Variants in HTT observed in about 807,000 individuals in gnomAD.
HTT encodes huntingtin.
Under a neutral mutation model 362.3 loss-of-function variants are expected in HTT, and 104 were observed. The ratio of observed to expected loss-of-function variants is 0.29; its 90% CI spans 0.24 to 0.34. HTT has a LOEUF of 0.34. Ranked by LOEUF, HTT falls within the 10% of genes least tolerant of loss-of-function variation. The pLI, the probability that HTT is intolerant of heterozygous loss-of-function variation, is 1.00. For synonymous variants in HTT, 1,577 were observed against 1,548.7 expected (o/e 1.02, Z -0.43); for missense variants, 3,301 against 3,928.6 (o/e 0.84, Z 4.27).
intron 29 of HTT, among the ~76,000 whole-genome samples, chr4:3,170,260 G>C (rs954527800): frequency 6.6e-6 from 1 of 152,072 alleles, no homozygotes; most frequent in Non-Finnish European, 1.5e-5. Flanking sequence ...TTTATAATTT[G>C]TCAGATGGGT....
chr4:3,175,772 A>G (rs1245047502), intron 33 of HTT, among the ~76,000 whole-genome samples: 1 of 152,192 alleles, frequency 6.6e-6, no homozygotes, highest in Non-Finnish European at 1.5e-5. Context: ...CTGCCTTTTC[A>G]TCGTCAAAAT....
intron 18 of HTT, among the ~76,000 whole-genome samples, chr4:3,133,525 A>T (rs1031340861): frequency 7.9e-5 from 4 of 50,808 alleles, no homozygotes; most frequent in Non-Finnish European, 1.7e-4. Context: ...CAGTTGAATT[A>T]AAAAAAAAAA....
intron 61 of HTT, among the ~76,000 whole-genome samples, chr4:3,234,425 G>C (rs563275858): frequency 6.6e-6 from 1 of 152,384 alleles, no homozygotes; most frequent in African/African-American, 2.4e-5. Flanking sequence ...ATAGGGCCAA[G>C]TCACACGGGG....
At chr4:3,223,252 C>G (rs571697884) in intron 54 of HTT, among the ~76,000 whole-genome samples, 154 bp from the exon 55 acceptor site, 14 of 152,366 alleles carry the variant, frequency 9.2e-5, no homozygotes, top group African/African-American at 2.6e-4. Context: ...GGAGGCCCTG[C>G]CTTGTGCCCC....
intron 52 of HTT, among the ~76,000 whole-genome samples, chr4:3,219,782 A>G (rs989025577): frequency 1.3e-5 from 2 of 152,228 alleles, no homozygotes; most frequent in African/African-American, 4.8e-5. Context: ...AATAAGCTGT[A>G]TGGTTCATTT....
chr4:3,101,258 G>A (rs1714139614), intron 3 of HTT, among the ~76,000 whole-genome samples: 1 of 152,134 alleles, frequency 6.6e-6, no homozygotes, highest in South Asian at 2.1e-4. Context: ...TGTGTCTGAG[G>A]ACTGTAGGCC....
intron 40 of HTT, among the ~76,000 whole-genome samples, chr4:3,198,754 T>C (rs1381794018): frequency 6.6e-6 from 1 of 152,214 alleles, no homozygotes; most frequent in Non-Finnish European, 1.5e-5. Context: ...AAGGATGCTG[T>C]GGAGAAATTT....
At chr4:3,209,478 G>A (rs755545631) in intron 46 of HTT, among the ~76,000 whole-genome samples, 5 of 152,186 alleles carry the variant, frequency 3.3e-5, no homozygotes, top group African/African-American at 7.2e-5. Context: ...GGCTCTATTC[G>A]CTAAGCACCT....
intron 4 of HTT, among the ~76,000 whole-genome samples, chr4:3,104,481 C>T (rs984443365): frequency 2.0e-5 from 3 of 151,662 alleles, no homozygotes; most frequent in Non-Finnish European, 2.9e-5. Context: ...TGGTGGCGGG[C>T]GCCTGTAATC....
chr4:3,089,914 T>C (rs1458229169), intron 2 of HTT, among the ~76,000 whole-genome samples: 1 of 152,248 alleles, frequency 6.6e-6, no homozygotes, highest in Non-Finnish European at 1.5e-5. Flanking sequence ...GAGTTCATTA[T>C]GCTTGTTCTA....
intron 54 of HTT, 35 bp downstream of exon 54, chr4:3,222,522 C>A: frequency 6.7e-7 from 1 of 1,500,460 alleles, no homozygotes; most frequent in Non-Finnish European, 9.3e-7. Flanking sequence ...GGCACATGGG[C>A]AGTTATGGCC....
intron 39 of HTT, 75 bp downstream of exon 39, chr4:3,187,961 C>A: frequency 1.2e-6 from 1 of 815,730 alleles, no homozygotes; most frequent in Non-Finnish European, 2.0e-6. Flanking sequence ...GTCAGTAAGT[C>A]TGGAATAATA....
chr4:3,179,579 G>A (rs574300474), intron 35 of HTT, among the ~76,000 whole-genome samples: 55 of 150,364 alleles, frequency 3.7e-4, no homozygotes, highest in South Asian at 8.6e-4. Context: ...GGGGTCAGAG[G>A]GTGCCTCGCG....
At chr4:3,124,951 G>T (rs1175197689) in intron 10 of HTT, among the ~76,000 whole-genome samples, 1 of 152,170 alleles carries the variant, frequency 6.6e-6, no homozygotes, top group Non-Finnish European at 1.5e-5. Context: ...TATTAAGACT[G>T]TTGGTTTCAT....
intron 1 of HTT, among the ~76,000 whole-genome samples, chr4:3,077,425 C>G (rs1209249774): frequency 2.0e-5 from 3 of 151,802 alleles, no homozygotes; most frequent in Non-Finnish European, 2.9e-5. Context: ...TAATATATAT[C>G]TATATATTTT....
intron 53 of HTT, among the ~76,000 whole-genome samples, chr4:3,221,096 G>A (rs1458434381): frequency 6.6e-6 from 1 of 152,128 alleles, no homozygotes; most frequent in Non-Finnish European, 1.5e-5. Flanking sequence ...GTGTTTCCTG[G>A]AATGTTCCTG....
chr4:3,115,493 A>G, intron 7 of HTT, 48 bp downstream of exon 7: 1 of 1,457,974 alleles, frequency 6.9e-7, no homozygotes, highest in Non-Finnish European at 9.5e-7. Flanking sequence ...TGTACTCAAG[A>G]TAGACCTTTG....
At chr4:3,227,238 GTACA>G (rs1720965411) in intron 57 of HTT, among the ~76,000 whole-genome samples, 4 of 146,914 alleles carry the variant, frequency 2.7e-5, no homozygotes, top group African/African-American at 7.7e-5. Flanking sequence ...TGGGGCTGAA[GTACA>G]GTGCCACCCC....
chr4:3,202,776 C>T (rs769637705), intron 41 of HTT, among the ~76,000 whole-genome samples: 1 of 152,088 alleles, frequency 6.6e-6, no homozygotes, highest in South Asian at 2.1e-4. Context: ...TTTTGAGAGG[C>T]TGAAGTGGGA....
Sources: allele counts gnomAD v4.1 joint callset (sites outside exome capture counted in the v4.1 genomes callset), GRCh38; gene constraint gnomAD v4.1.1; transcripts MANE v1.5; gene names NCBI Gene and HGNC (gene_info 2026-07-23, HGNC 2026-07-21).